CSRNP3: variants seen among roughly 807,000 people sequenced by gnomAD.
The protein encoded by CSRNP3 is cysteine/serine-rich nuclear protein 3.
Under a neutral mutation model 48.0 loss-of-function variants are expected in CSRNP3, and 12 were observed. That is an observed-to-expected ratio of 0.25 (90% CI 0.16 to 0.41). The LOEUF (loss-of-function observed/expected upper bound fraction) is 0.41. Ranked by LOEUF, CSRNP3 falls within the 10% of genes least tolerant of loss-of-function variation. The probability of loss-of-function intolerance (pLI) is 1.00; values close to 1 mark genes in which losing one functional copy is unlikely to be tolerated. For synonymous variants in CSRNP3, 263 were observed against 269.7 expected, an observed-to-expected ratio of 0.98 and a Z score of 0.24; for missense variants, 580 against 724.4, an observed-to-expected ratio of 0.80 and a Z score of 2.29.
rs1009411126 is a variant in CSRNP3, at chr2:165,676,250, A to C, written c.409-62A>C. ...ATAATAGTTCATTCTCACCCAGTAC[A>C]AACATACAGATTTTGTACCCTGCCC... On this transcript the variant is annotated intron_variant, in intron 5 of 6. Transcript: ENST00000651982. 83 of 1,290,374 alleles carry C rather than the reference A, an allele frequency of 6.4e-5. 1 individual carries two copies. The East Asian group carries it at 1.9e-3, about 30-fold the overall frequency. 79.9% of individuals were successfully genotyped at this position (1,290,374 alleles called of 1,614,324 possible). A position where few individuals can be genotyped will look rare whatever the true frequency, so the allele number is the denominator to read the frequency against.
intron 4 of CSRNP3, among the ~76,000 whole-genome samples, chr2:165,614,358 T>C (rs1686194741): frequency 6.6e-6 from 1 of 152,222 alleles, no homozygotes; most frequent in Admixed American, 6.5e-5. Context: ...TTTCTACATA[T>C]AAAATCATGT....
chr2:165,638,858 A>T (rs2105332614), intron 4 of CSRNP3, among the ~76,000 whole-genome samples: 1 of 152,334 alleles, frequency 6.6e-6, no homozygotes, highest in South Asian at 2.1e-4. Context: ...GATTCTCAAT[A>T]TTCATGATAG....
chr2:165,611,379 G>A (rs62176870), intron 4 of CSRNP3, among the ~76,000 whole-genome samples: 44 of 151,062 alleles, frequency 2.9e-4, no homozygotes, highest in African/African-American at 9.0e-4. Context: ...GTGTGTGTGT[G>A]TATATACATA....
intron 3 of CSRNP3, among the ~76,000 whole-genome samples, chr2:165,542,747 A>G (rs1166248273): frequency 6.6e-6 from 1 of 152,154 alleles, no homozygotes; most frequent in Non-Finnish European, 1.5e-5. Flanking sequence ...GACTTTTGAT[A>G]AGAAATGCCA....
At chr2:165,522,200 G>A (rs1227793613) in intron 3 of CSRNP3, among the ~76,000 whole-genome samples, 1 of 152,170 alleles carries the variant, frequency 6.6e-6, no homozygotes, top group South Asian at 2.1e-4. Flanking sequence ...GCTGAGGCAT[G>A]AGAATCACTT....
intron 3 of CSRNP3, among the ~76,000 whole-genome samples, chr2:165,540,796 T>C (rs1212079215): frequency 2.0e-5 from 3 of 152,078 alleles, no homozygotes; most frequent in Non-Finnish European, 4.4e-5. Flanking sequence ...TTCACCTGCC[T>C]GGATGGCCCT....
chr2:165,658,114 G>A, intron 5 of CSRNP3, 94 bp downstream of exon 5: 2 of 1,382,190 alleles, frequency 1.4e-6, no homozygotes, highest in Non-Finnish European at 2.0e-6. Flanking sequence ...GAAACAAACT[G>A]GGCACTTTAC....
intron 4 of CSRNP3, among the ~76,000 whole-genome samples, chr2:165,619,013 C>T (rs1686295726): frequency 1.3e-5 from 2 of 152,104 alleles, no homozygotes; most frequent in Admixed American, 1.3e-4. Context: ...TAGTTGATAG[C>T]ACTTTAAAGT....
chr2:165,580,052 C>T (rs1685517146), intron 3 of CSRNP3, among the ~76,000 whole-genome samples: 1 of 151,360 alleles, frequency 6.6e-6, no homozygotes, highest in Admixed American at 6.6e-5. Context: ...CCTCAGCCTC[C>T]TGAGTGGCTG....
At chr2:165,577,897 A>T (rs2105279827) in intron 3 of CSRNP3, among the ~76,000 whole-genome samples, 1 of 152,114 alleles carries the variant, frequency 6.6e-6, no homozygotes, top group Admixed American at 6.5e-5. Flanking sequence ...CTCCTGACAG[A>T]TACATACATA....
At chr2:165,542,034 A>G (rs188241065) in intron 3 of CSRNP3, among the ~76,000 whole-genome samples, 140 of 152,284 alleles carry the variant, frequency 9.2e-4, no homozygotes, top group Admixed American at 1.3e-3. Context: ...ACAGTAACTA[A>G]ATGTACTGTC....
chr2:165,491,654 C>A (rs1684209375), intron 1 of CSRNP3, among the ~76,000 whole-genome samples: 1 of 88,850 alleles, frequency 1.1e-5, no homozygotes. Flanking sequence ...TTTGTAGGGA[C>A]ATGGATGAAA....
chr2:165,602,211 A>G (rs997029838), intron 4 of CSRNP3, among the ~76,000 whole-genome samples: 2 of 152,148 alleles, frequency 1.3e-5, no homozygotes, highest in African/African-American at 4.8e-5. Context: ...TGACGCTCAA[A>G]AGATCCTTTC....
At chr2:165,602,490 T>G (rs1179919927) in intron 4 of CSRNP3, among the ~76,000 whole-genome samples, 2 of 152,200 alleles carry the variant, frequency 1.3e-5, no homozygotes, top group African/African-American at 4.8e-5. Context: ...ATGGACCAGT[T>G]GAATCATTAG....
At chr2:165,549,261 G>A (rs1293931648) in intron 3 of CSRNP3, among the ~76,000 whole-genome samples, 2 of 152,004 alleles carry the variant, frequency 1.3e-5, no homozygotes. Flanking sequence ...TATGGTAAGG[G>A]CCAGAAATAG....
At chr2:165,541,112 G>T (rs1172288230) in intron 3 of CSRNP3, among the ~76,000 whole-genome samples, 1 of 151,800 alleles carries the variant, frequency 6.6e-6, no homozygotes, top group African/African-American at 2.4e-5. Flanking sequence ...TACCTGAAGG[G>T]TCAGTTACTG....
intron 3 of CSRNP3, among the ~76,000 whole-genome samples, chr2:165,580,694 T>A (rs911283363): frequency 1.3e-5 from 2 of 152,198 alleles, no homozygotes; most frequent in African/African-American, 4.8e-5. Context: ...AAGGATATCA[T>A]TATCTTAAAT....
intron 5 of CSRNP3, among the ~76,000 whole-genome samples, chr2:165,671,329 A>C (rs932505245): frequency 4.6e-5 from 7 of 152,264 alleles, no homozygotes; most frequent in African/African-American, 1.7e-4. Context: ...ACTGTGAATG[A>C]AGATGGGTTG....
chr2:165,632,368 A>C (rs1448087513), intron 4 of CSRNP3, among the ~76,000 whole-genome samples: 2 of 152,072 alleles, frequency 1.3e-5, no homozygotes, highest in African/African-American at 4.8e-5. Context: ...CAGAAAATTT[A>C]AAAATTAGCA....
Sources: gnomAD v4.1 joint callset for allele counts (sites outside exome capture counted in the v4.1 genomes callset) on GRCh38, gnomAD v4.1.1 for gene constraint, MANE v1.5 for transcripts, NCBI Gene and HGNC (gene_info 2026-07-23, HGNC 2026-07-21) for gene names.